The following MYO18B variants were observed in gnomAD, a reference collection of about 807,000 sequenced individuals.
MYO18B encodes the protein myosin XVIIIB.
Under a neutral mutation model 273.0 loss-of-function variants are expected in MYO18B, and 204 were observed. That is an observed-to-expected ratio of 0.75 (90% CI 0.67 to 0.84). The LOEUF (loss-of-function observed/expected upper bound fraction) is 0.84. MYO18B is among the 40% of genes least tolerant of loss of function. The pLI is 0.00. For missense variants in MYO18B, 3,212 were observed against 3,287.6 expected, an observed-to-expected ratio of 0.98 and a Z score of 0.56; for synonymous variants, 1,330 against 1,305.7, an observed-to-expected ratio of 1.02 and a Z score of -0.40.
intron 7 of MYO18B, among the ~76,000 whole-genome samples, chr22:25,775,882 C>CT (rs1247091221): frequency 7.8e-6 from 1 of 128,976 alleles, no homozygotes; most frequent in Non-Finnish European, 1.7e-5. Context: ...CAAGCAGGGA[C>CT]TTAAAAAAAA....
chr22:25,876,222 A>T lies in MYO18B; in HGVS notation c.4114A>T (p.Asn1372Tyr). The change falls in exon 24 of 44, where the codon AAT becomes TAT. Residue 1372 changes from asparagine to tyrosine, a missense_variant. Transcript: ENST00000335473. ...ACTGGCTGCACAGTGCATCCAGAAGAATGTGGCTGTGTTCCTCGCAGTCAA... is the reference window on the plus strand; with the variant it reads ...ACTGGCTGCACAGTGCATCCAGAAGTATGTGGCTGTGTTCCTCGCAGTCAA... ...RRLAAQCIQKNVAVFLAVKDW... is the reference protein window; with the variant it reads ...RRLAAQCIQKYVAVFLAVKDW... 1 of 1,613,272 alleles carries T rather than the reference A, an allele frequency of 6.2e-7. No homozygotes were observed. The highest frequency in any genetic ancestry group is 8.5e-7 in the Non-Finnish European group (1 of 1,179,596).
rs1015986790 is a variant in MYO18B at position 25,903,814 on chromosome 22, A to T, written c.5131A>T (p.Ile1711Phe). ...AATCCAGAGCCAGCAGGAAAACACC[A>T]TCAAGCAGCTGGAGCAGGTAGGAAA... ...QKIQSQQENT[I>F]KQLEQLRQRF... Residue 1711 changes from isoleucine to phenylalanine, a missense_variant, in exon 31 of 44, where the codon ATC (isoleucine) becomes TTC (phenylalanine). Physicochemically the swap from Ile to Phe is conservative, Grantham distance 21 (BLOSUM62 0). Coordinates refer to ENST00000335473, the MANE Select transcript of MYO18B (RefSeq NM_032608.7). 6.2e-7 allele frequency: 1 copy of T among 1,600,328 alleles called. No individual in the cohort carries two copies. The highest frequency in any genetic ancestry group is 8.5e-7 in the Non-Finnish European group (1 of 1,173,708).
At chr22:25,853,110 A>G (rs2090470372) in intron 21 of MYO18B, among the ~76,000 whole-genome samples, 2 of 152,192 alleles carry the variant, frequency 1.3e-5, no homozygotes. Flanking sequence ...TAAGGGCTCA[A>G]TATACATTAA....
intron 39 of MYO18B, among the ~76,000 whole-genome samples, chr22:25,969,029 A>G (rs554958951): frequency 2.0e-5 from 3 of 152,208 alleles, no homozygotes; most frequent in South Asian, 4.2e-4. Flanking sequence ...ATCTTCTCCA[A>G]CCTCAGACTG....
At chr22:25,894,527 A>G (rs1478467850) in intron 27 of MYO18B, among the ~76,000 whole-genome samples, 1 of 152,178 alleles carries the variant, frequency 6.6e-6, no homozygotes, top group East Asian at 1.9e-4. Context: ...TTTTTTTGAG[A>G]TGTTTACCAA....
intron 29 of MYO18B, among the ~76,000 whole-genome samples, chr22:25,901,898 G>A (rs1262679129): frequency 1.4e-5 from 2 of 146,452 alleles, no homozygotes; most frequent in African/African-American, 5.1e-5. Context: ...CTGCAGCCTT[G>A]GCCTCCTGGG....
rs2091241669 is a variant in MYO18B, at chr22:25,877,849, T to C, written c.4225-110T>C. On this transcript the variant is annotated intron_variant, in intron 24 of 43. Transcript: ENST00000335473. ...GTCACCATTCTGTGCAATAGATTGCTAAGGTTTATTCCTCCTAACGGAAAC... is the reference window on the plus strand; with the variant it reads ...GTCACCATTCTGTGCAATAGATTGCCAAGGTTTATTCCTCCTAACGGAAAC... 4.1e-6 allele frequency: 3 copies of C among 737,398 alleles called. No homozygotes were observed. In the Admixed American group the frequency reaches 7.9e-5, roughly 19 times the overall value. 45.7% of individuals were successfully genotyped at this position (737,398 alleles called of 1,614,324 possible).
chr22:25,805,471 C>G (rs1449193763), intron 12 of MYO18B, among the ~76,000 whole-genome samples: 10 of 152,298 alleles, frequency 6.6e-5, no homozygotes, highest in Non-Finnish European at 1.2e-4. Flanking sequence ...AGAGCTCTCT[C>G]CAGGGATCCT....
At position 25,781,783 on chromosome 22, in the gene MYO18B, G is replaced by A; in HGVS notation, c.2261G>A (p.Ser754Asn). 1 of 1,596,036 alleles carries A rather than the reference G, an allele frequency of 6.3e-7. No individual in the cohort carries two copies. Among genetic ancestry groups the A allele is most frequent in the South Asian group, 1.1e-5 (1 of 87,178 alleles). The change falls in exon 10 of 44, where the codon AGT (serine) becomes AAT (asparagine). Residue 754 changes from serine to asparagine, a missense_variant. Transcript: ENST00000335473. ...SRVARQPEGE[S>N]NFLVFSQMLA... ...GTGGCACGGCAGCCGGAAGGGGAAA[G>A]TAACTTCCTGGTTTTCTCCCAGATG...
the MYO18B span, among the ~76,000 whole-genome samples, chr22:26,039,636 A>C: frequency 6.8e-6 from 1 of 147,348 alleles, no homozygotes; most frequent in East Asian, 1.9e-4. Flanking sequence ...TTAGTTATAT[A>C]TGTATATATA....
chr22:26,060,093 C>T, the MYO18B span, among the ~76,000 whole-genome samples: 15 of 152,194 alleles, frequency 9.9e-5, no homozygotes, highest in Non-Finnish European at 2.1e-4. Flanking sequence ...GTAAAGCATT[C>T]GTACATCCCC....
At chr22:25,788,315 T>C (rs779170545) in intron 11 of MYO18B, among the ~76,000 whole-genome samples, 3 of 152,226 alleles carry the variant, frequency 2.0e-5, no homozygotes, top group Non-Finnish European at 4.4e-5. Flanking sequence ...AATCTGGTGA[T>C]CAGGATATGT....
chr22:26,042,255 T>C, the MYO18B span, among the ~76,000 whole-genome samples: 1 of 152,188 alleles, frequency 6.6e-6, no homozygotes, highest in African/African-American at 2.4e-5. Flanking sequence ...ATTTGTGAAA[T>C]GGAGACAATG....
intron 12 of MYO18B, among the ~76,000 whole-genome samples, chr22:25,821,154 T>G (rs781650560): frequency 2.0e-5 from 3 of 152,228 alleles, no homozygotes; most frequent in Non-Finnish European, 2.9e-5. Context: ...GATGTCTCTT[T>G]GATGCACTGA....
At chr22:26,040,010 T>C in the MYO18B span, among the ~76,000 whole-genome samples, 4 of 152,162 alleles carry the variant, frequency 2.6e-5, no homozygotes, top group African/African-American at 9.7e-5. Flanking sequence ...ACTTTTTTTG[T>C]AGAGATGGGT....
chr22:25,877,925 G>A (rs775237551), intron 24 of MYO18B, 34 bp from the exon 25 acceptor site: 4 of 1,536,654 alleles, frequency 2.6e-6, no homozygotes, highest in Non-Finnish European at 3.5e-6. Context: ...TCTCTGGCCT[G>A]GAATGGTTTC....
intron 7 of MYO18B, among the ~76,000 whole-genome samples, chr22:25,777,010 C>T (rs1231827077): frequency 6.6e-6 from 1 of 152,114 alleles, no homozygotes; most frequent in East Asian, 1.9e-4. Context: ...GCTGGAATTT[C>T]CTTTATCCAT....
chr22:25,789,385 C>A (rs2087552818), intron 11 of MYO18B, among the ~76,000 whole-genome samples: 1 of 152,102 alleles, frequency 6.6e-6, no homozygotes, highest in South Asian at 2.1e-4. Context: ...CCTGTAATCC[C>A]AGCACGTTGG....
At chr22:26,015,481 T>A (rs979548836) in intron 42 of MYO18B, among the ~76,000 whole-genome samples, 1 of 152,194 alleles carries the variant, frequency 6.6e-6, no homozygotes, top group Non-Finnish European at 1.5e-5. Flanking sequence ...TAAAAAAGAA[T>A]GAGATCATGT....
Sources: allele counts gnomAD v4.1 joint callset (sites outside exome capture counted in the v4.1 genomes callset), GRCh38; gene constraint gnomAD v4.1.1; transcripts MANE v1.5; gene names NCBI Gene and HGNC (gene_info 2026-07-23, HGNC 2026-07-21).